The following NRXN3 variants were observed in gnomAD, a reference collection of about 807,000 sequenced individuals.
NRXN3 encodes neurexin III.
A neutral mutation model predicts 137.6 loss-of-function variants in NRXN3; 32 were observed. That is an observed-to-expected ratio of 0.23 (90% CI 0.18 to 0.31). NRXN3 has a LOEUF of 0.31. Among genes scored for constraint, NRXN3 ranks in the 10% least tolerant of loss-of-function variants. The pLI is 1.00. For missense variants in NRXN3, 1,574 were observed against 2,062.5 expected (o/e 0.76, Z 4.59); for synonymous variants, 798 against 784.5 (o/e 1.02, Z -0.29).
chr14:79,377,548 G>A (rs2094340315), intron 15 of NRXN3, among the ~76,000 whole-genome samples: 1 of 152,098 alleles, frequency 6.6e-6, no homozygotes, highest in African/African-American at 2.4e-5. Flanking sequence ...GAGGTCAGGA[G>A]TTCAAGACCA....
chr14:78,495,452 A>G (rs989102819), intron 4 of NRXN3, among the ~76,000 whole-genome samples: 2 of 152,140 alleles, frequency 1.3e-5, no homozygotes, highest in African/African-American at 2.4e-5. Flanking sequence ...AAAAAGGGGA[A>G]TTGAGGTAGC....
intron 4 of NRXN3, among the ~76,000 whole-genome samples, chr14:78,479,370 C>T (rs994537716): frequency 5.3e-5 from 8 of 152,142 alleles, no homozygotes; most frequent in African/African-American, 1.7e-4. Context: ...TGAATTCCAT[C>T]GGCAGAGTTT....
chr14:79,764,377 TA>T (rs2099049299), intron 19 of NRXN3, among the ~76,000 whole-genome samples: 1 of 152,208 alleles, frequency 6.6e-6, no homozygotes, highest in Non-Finnish European at 1.5e-5. Flanking sequence ...GAAAATCAGC[TA>T]TATGAAAAGG....
chr14:78,455,673 A>G (rs1005448736), intron 4 of NRXN3, among the ~76,000 whole-genome samples: 2 of 152,144 alleles, frequency 1.3e-5, no homozygotes, highest in African/African-American at 4.8e-5. Flanking sequence ...TGATAGCCCC[A>G]AGAAGTCGAT....
chr14:78,484,027 C>CACACACAGAG (rs1229106899), intron 4 of NRXN3, among the ~76,000 whole-genome samples: 6 of 137,176 alleles, frequency 4.4e-5, no homozygotes, highest in African/African-American at 1.7e-4. Context: ...CACACACACA[C>CACACACAGAG]AGAGAGAGAG....
chr14:78,394,894 A>G (rs995458519), intron 4 of NRXN3, among the ~76,000 whole-genome samples: 4 of 151,800 alleles, frequency 2.6e-5, no homozygotes, highest in East Asian at 1.9e-4. Flanking sequence ...TCCTTTTGAT[A>G]TGTTCGGGGG....
At chr14:78,952,848 C>T (rs1185349731) in intron 10 of NRXN3, among the ~76,000 whole-genome samples, 2 of 152,124 alleles carry the variant, frequency 1.3e-5, no homozygotes, top group African/African-American at 2.4e-5. Flanking sequence ...AGATCTCACC[C>T]CCTCCCTCCC....
chr14:79,545,011 T>C (rs896376693), intron 16 of NRXN3, among the ~76,000 whole-genome samples: 2 of 152,192 alleles, frequency 1.3e-5, no homozygotes, highest in Non-Finnish European at 2.9e-5. Context: ...TGAGCTATAG[T>C]AGAGATAACC....
chr14:79,217,045 G>A (rs1170921049), intron 15 of NRXN3, among the ~76,000 whole-genome samples: 2 of 152,126 alleles, frequency 1.3e-5, no homozygotes, highest in Non-Finnish European at 2.9e-5. Flanking sequence ...GCTGAGGCTG[G>A]AGGATCGCTT....
intron 16 of NRXN3, among the ~76,000 whole-genome samples, chr14:79,634,849 A>T (rs996063151): frequency 6.6e-6 from 1 of 152,188 alleles, no homozygotes; most frequent in Non-Finnish European, 1.5e-5. Context: ...GACTCTGGTA[A>T]TCATTACACT....
At chr14:78,429,370 C>T (rs752854777) in intron 4 of NRXN3, among the ~76,000 whole-genome samples, 37 of 152,170 alleles carry the variant, frequency 2.4e-4, no homozygotes, top group Admixed American at 1.7e-3. Flanking sequence ...TGAGCCACCA[C>T]GCCCAGTCAG....
chr14:79,489,683 C>T lies in NRXN3; in HGVS notation c.3444+22281C>T, dbSNP rs113974857. 1.8e-4 allele frequency among the ~76,000 whole-genome samples: 27 copies of T among 152,020 alleles called. 2 individuals carry two copies. The highest frequency in any genetic ancestry group is 3.4e-4 in the African/African-American group (14 of 41,452). Reference sequence around the variant, plus strand: ...CTATGGAAATGAGTTGGAGTATAGGCGATAATTAACCTGGAAGGGAAGAAA... The same window carrying T: ...CTATGGAAATGAGTTGGAGTATAGGTGATAATTAACCTGGAAGGGAAGAAA... On this transcript the variant is annotated intron_variant, in intron 16 of 20. Coordinates refer to ENST00000335750, the MANE Select transcript of NRXN3 (RefSeq NM_001330195.2).
At chr14:78,518,087 A>C (rs1386634275) in intron 4 of NRXN3, among the ~76,000 whole-genome samples, 1 of 152,190 alleles carries the variant, frequency 6.6e-6, no homozygotes, top group Admixed American at 6.5e-5. Context: ...AGATTACTCT[A>C]TGGGGTTTGA....
intron 4 of NRXN3, among the ~76,000 whole-genome samples, chr14:78,589,015 G>T (rs2097092899): frequency 6.6e-6 from 1 of 152,182 alleles, no homozygotes; most frequent in African/African-American, 2.4e-5. Flanking sequence ...TGTGGTGTTT[G>T]GGCTGTATTT....
intron 16 of NRXN3, among the ~76,000 whole-genome samples, chr14:79,591,475 T>C (rs1268166334): frequency 1.3e-5 from 2 of 152,178 alleles, no homozygotes; most frequent in Non-Finnish European, 2.9e-5. Flanking sequence ...GCATCACAAT[T>C]GTCAGAAAAC....
chr14:78,573,990 A>G (rs7140855), intron 4 of NRXN3, among the ~76,000 whole-genome samples: 18,550 of 152,258 alleles, frequency 0.12, 1,787 homozygotes, highest in African/African-American at 0.26. Flanking sequence ...GTGCAGTCTC[A>G]GAACTTGGTG....
intron 16 of NRXN3, among the ~76,000 whole-genome samples, chr14:79,531,193 A>G (rs2097166726): frequency 6.6e-6 from 1 of 152,208 alleles, no homozygotes; most frequent in Non-Finnish European, 1.5e-5. Flanking sequence ...AGCTAATGCT[A>G]TGCTCATACC....
At chr14:78,522,792 G>C (rs560465024) in intron 4 of NRXN3, among the ~76,000 whole-genome samples, 1 of 152,090 alleles carries the variant, frequency 6.6e-6, no homozygotes, top group Non-Finnish European at 1.5e-5. Context: ...TTCCACTGGG[G>C]TTGTTAAACA....
At chr14:78,891,344 G>C (rs891585223) in intron 10 of NRXN3, among the ~76,000 whole-genome samples, 1 of 151,960 alleles carries the variant, frequency 6.6e-6, no homozygotes, top group Admixed American at 6.6e-5. Context: ...TCATGCTCTA[G>C]TAGTGAGCAG....
Sources: allele counts gnomAD v4.1 joint callset (sites outside exome capture counted in the v4.1 genomes callset), GRCh38; gene constraint gnomAD v4.1.1; transcripts MANE v1.5; gene names NCBI Gene and HGNC (gene_info 2026-07-23, HGNC 2026-07-21).